OPCML: variants seen among roughly 807,000 people sequenced by gnomAD.
OPCML encodes opioid-binding protein/cell adhesion molecule.
Under a neutral mutation model 37.8 loss-of-function variants are expected in OPCML, and 13 were observed. The observed-to-expected ratio is 0.34, with a 90% confidence interval of 0.22 to 0.55. OPCML has a LOEUF of 0.55. OPCML is among the 20% of genes least tolerant of loss of function. The probability of loss-of-function intolerance (pLI) is 0.91; values close to 1 mark genes in which losing one functional copy is unlikely to be tolerated. For synonymous variants in OPCML, 176 were observed against 168.8 expected, an observed-to-expected ratio of 1.04 and a Z score of -0.33; for missense variants, 341 against 435.6, an observed-to-expected ratio of 0.78 and a Z score of 1.93.
At chr11:132,677,272 T>C (rs958649773) in intron 2 of OPCML, among the ~76,000 whole-genome samples, 4 of 152,102 alleles carry the variant, frequency 2.6e-5, no homozygotes, top group Non-Finnish European at 4.4e-5. Context: ...GAAGAGGTGT[T>C]CCATGTTCAC....
intron 1 of OPCML, among the ~76,000 whole-genome samples, chr11:133,428,737 T>C (rs1946058185): frequency 6.6e-6 from 1 of 152,074 alleles, no homozygotes; most frequent in South Asian, 2.1e-4. Context: ...GAAGAGTGAA[T>C]GATATAAAGA....
chr11:132,542,641 C>A (rs1347662238), intron 3 of OPCML, among the ~76,000 whole-genome samples: 3 of 152,268 alleles, frequency 2.0e-5, no homozygotes, highest in Middle Eastern at 3.4e-3. Context: ...CCCTCACCCC[C>A]CACACCCAGA....
At chr11:133,252,431 T>C (rs1941165139) in intron 1 of OPCML, among the ~76,000 whole-genome samples, 1 of 152,344 alleles carries the variant, frequency 6.6e-6, no homozygotes, top group African/African-American at 2.4e-5. Context: ...TTCAAATTTC[T>C]GTTGCTTGGC....
intron 1 of OPCML, among the ~76,000 whole-genome samples, chr11:133,485,459 G>T (rs1947506418): frequency 6.6e-6 from 1 of 152,100 alleles, no homozygotes; most frequent in Non-Finnish European, 1.5e-5. Context: ...CTTTTCACTG[G>T]TGATCTAGAT....
At chr11:132,577,191 C>G (rs1236959207) in intron 3 of OPCML, among the ~76,000 whole-genome samples, 1 of 152,152 alleles carries the variant, frequency 6.6e-6, no homozygotes, top group Non-Finnish European at 1.5e-5. Flanking sequence ...TGTCCATGAA[C>G]TGTTGCTGAA....
intron 1 of OPCML, among the ~76,000 whole-genome samples, chr11:132,961,625 A>C (rs891983982): frequency 9.2e-5 from 14 of 152,242 alleles, no homozygotes; most frequent in Non-Finnish European, 1.8e-4. Flanking sequence ...GCAACTGAAA[A>C]AATCATGGTT....
At chr11:133,133,490 T>C (rs961041148) in intron 1 of OPCML, among the ~76,000 whole-genome samples, 5 of 152,098 alleles carry the variant, frequency 3.3e-5, no homozygotes, top group Non-Finnish European at 5.9e-5. Flanking sequence ...TCATTTACTC[T>C]CCTCTCCTTG....
chr11:132,944,464 AC>A (rs1945697839), intron 1 of OPCML, among the ~76,000 whole-genome samples: 1 of 152,102 alleles, frequency 6.6e-6, no homozygotes, highest in Admixed American at 6.5e-5. Context: ...ACCTCCGAGG[AC>A]CCACCTCGGA....
intron 1 of OPCML, among the ~76,000 whole-genome samples, chr11:133,230,974 G>A (rs973426322): frequency 3.3e-5 from 5 of 152,124 alleles, no homozygotes; most frequent in African/African-American, 1.2e-4. Context: ...AACCAGGGAG[G>A]GTGTGCAGGG....
chr11:133,403,489 C>T (rs571478551), intron 1 of OPCML, among the ~76,000 whole-genome samples: 6 of 152,204 alleles, frequency 3.9e-5, no homozygotes, highest in Admixed American at 1.3e-4. Flanking sequence ...TTTGAGTTAT[C>T]AAATATTATT....
intron 2 of OPCML, among the ~76,000 whole-genome samples, chr11:132,779,361 A>T (rs188775585): frequency 6.6e-6 from 1 of 152,268 alleles, no homozygotes; most frequent in Non-Finnish European, 1.5e-5. Context: ...AGTCGAGATA[A>T]GGGAATGGCA....
At chr11:132,758,507 G>T (rs1029362542) in intron 2 of OPCML, among the ~76,000 whole-genome samples, 4 of 152,220 alleles carry the variant, frequency 2.6e-5, no homozygotes, top group Admixed American at 1.3e-4. Flanking sequence ...TCTTGAAGAA[G>T]TCCTTCATAT....
chr11:133,281,289 C>G (rs977242511), intron 1 of OPCML, among the ~76,000 whole-genome samples: 3 of 151,998 alleles, frequency 2.0e-5, no homozygotes, highest in Admixed American at 1.3e-4. Flanking sequence ...GAGGATAGAT[C>G]CCTCATGAAT....
In OPCML at chr11:133,029,510, A is replaced by C. The variant is rs114405549; in HGVS notation, c.62-86500T>G. Among the ~76,000 whole-genome samples, 212 of 152,364 alleles carry C rather than the reference A, an allele frequency of 1.4e-3. 1 individual carries two copies. The highest frequency in any genetic ancestry group is 5.0e-3 in the African/African-American group (206 of 41,584). On this transcript the variant is annotated intron_variant, in intron 1 of 7. Transcript: ENST00000524381. Reference sequence around the variant, plus strand: ...GTGAATTGGATAAAGAAGATGTGCTACATATACACCATGAAATACGACACA... The same window carrying C: ...GTGAATTGGATAAAGAAGATGTGCTCCATATACACCATGAAATACGACACA...
At chr11:133,153,017 T>C (rs940986557) in intron 1 of OPCML, among the ~76,000 whole-genome samples, 4 of 151,938 alleles carry the variant, frequency 2.6e-5, no homozygotes, top group African/African-American at 9.7e-5. Context: ...TTCCACGGGG[T>C]GACCTTCTCC....
At chr11:132,805,695 G>A (rs1227646475) in intron 2 of OPCML, among the ~76,000 whole-genome samples, 3 of 152,168 alleles carry the variant, frequency 2.0e-5, no homozygotes, top group Non-Finnish European at 4.4e-5. Flanking sequence ...AGGCAAGAGT[G>A]CAATAAAGAC....
Position 133,176,891 on chromosome 11 carries a change from C to T in OPCML, c.62-233881G>A, listed in dbSNP as rs149890519. 7.4e-4 allele frequency among the ~76,000 whole-genome samples: 112 copies of T among 152,286 alleles called. No homozygotes were observed. In the Middle Eastern group the frequency reaches 0.014, roughly 18 times the overall value. On this transcript the variant is annotated intron_variant, in intron 1 of 7. Coordinates refer to ENST00000524381, the MANE Select transcript of OPCML (RefSeq NM_001012393.5). The stretch of plus-strand genomic sequence containing the variant: ...CGCCTGCAAGAACTCTGCAGCTGTC[C>T]GGCTAACAACTTGGCCAACTTTCAG...
intron 1 of OPCML, among the ~76,000 whole-genome samples, chr11:133,238,748 A>T (rs1311743322): frequency 2.0e-5 from 3 of 152,054 alleles, no homozygotes; most frequent in Non-Finnish European, 4.4e-5. Context: ...ATCAGAGGCT[A>T]CCCCTCCCAG....
rs190289944 is a variant in OPCML, at chr11:133,127,990, C to T, written c.62-184980G>A. ...TGGTTTTTAAGATAGGCTGGTCCTG[C>T]GGTTCAGGCACCCATCAGTCCACAT... On this transcript the variant is annotated intron_variant, in intron 1 of 7. Transcript: ENST00000524381. Among the ~76,000 whole-genome samples the T allele has an allele frequency of 1.6e-4, 25 of 152,150 alleles. No homozygotes were observed. The East Asian group carries it at 2.7e-3, about 17-fold the overall frequency.
Sources: gnomAD v4.1 joint callset for allele counts (sites outside exome capture counted in the v4.1 genomes callset) on GRCh38, gnomAD v4.1.1 for gene constraint, MANE v1.5 for transcripts, NCBI Gene and HGNC (gene_info 2026-07-23, HGNC 2026-07-21) for gene names.